Variants in KLHL7 observed in about 807,000 individuals in gnomAD.
KLHL7 encodes the protein kelch-like protein 7.
In KLHL7, 44 loss-of-function variants were observed where a neutral mutation model predicts 67.4. The ratio of observed to expected loss-of-function variants is 0.65; its 90% CI spans 0.51 to 0.84. The LOEUF (loss-of-function observed/expected upper bound fraction) is 0.84. KLHL7 is among the 40% of genes least tolerant of loss of function. The probability of loss-of-function intolerance (pLI) is 0.00; values close to 1 mark genes in which losing one functional copy is unlikely to be tolerated. For missense variants in KLHL7, 362 were observed against 718.1 expected (o/e 0.50, Z 5.67); for synonymous variants, 252 against 243.3 (o/e 1.04, Z -0.33).
At chr7:23,120,847 C>A (rs1445469415) in intron 1 of KLHL7, among the ~76,000 whole-genome samples, 1 of 152,134 alleles carries the variant, frequency 6.6e-6, no homozygotes, top group Non-Finnish European at 1.5e-5. Context: ...ACAGATGTAA[C>A]CCACTGCTCC....
chr7:23,170,551 A>G (rs1160192810), intron 9 of KLHL7, among the ~76,000 whole-genome samples: 48 of 152,204 alleles, frequency 3.2e-4, no homozygotes. Context: ...GTATATTTCA[A>G]AATAGCTAGA....
At chr7:23,171,858 T>C (rs1048965424) in intron 9 of KLHL7, among the ~76,000 whole-genome samples, 2 of 152,114 alleles carry the variant, frequency 1.3e-5, no homozygotes, top group South Asian at 2.1e-4. Flanking sequence ...TACAGGCGCC[T>C]GCCGCCACGC....
Position 23,177,337 on chromosome 7 carries a change from G to C in KLHL7, c.*3039G>C, listed in dbSNP as rs1413180484. 5.3e-5 allele frequency: 8 copies of C among 152,270 alleles called. No individual in the cohort carries two copies. The highest frequency in any genetic ancestry group is 7.4e-5 in the Non-Finnish European group (5 of 68,016). The allele number at this position is 152,270 out of a possible 1,614,324, so 9.4% of individuals were successfully genotyped here. A position where few individuals can be genotyped will look rare whatever the true frequency, so the allele number is the denominator to read the frequency against. On this transcript the variant is annotated 3_prime_UTR_variant, in exon 11 of 11. Transcript: ENST00000339077. Reference sequence around the variant, plus strand: ...CTCCTATGTAGAATATACAGTACCTGTCTAAGATATTTTAAGTACACCAGC... The same window carrying C: ...CTCCTATGTAGAATATACAGTACCTCTCTAAGATATTTTAAGTACACCAGC...
At chr7:23,159,324 TG>T (rs1381059510) in intron 7 of KLHL7, among the ~76,000 whole-genome samples, 1 of 151,984 alleles carries the variant, frequency 6.6e-6, no homozygotes, top group Non-Finnish European at 1.5e-5. Context: ...TCACCACACA[TG>T]GCCATTTAAA....
rs774048435 is a variant in KLHL7, at chr7:23,140,757, TTC to T, written c.443-10_443-9del. On this transcript the variant is annotated splice_polypyrimidine_tract_variant and intron_variant, in intron 4 of 10. Coordinates refer to ENST00000339077, the MANE Select transcript of KLHL7 (RefSeq NM_001031710.3). ...ATGATTTTCTATTCTTTTATTTTCT[TTC>T]TGTGTTTAGGTATAAGTGTGCTAGC... 13 of 1,610,982 alleles carry T rather than the reference TTC, an allele frequency of 8.1e-6. No homozygotes were observed. Among genetic ancestry groups the T allele is most frequent in the Non-Finnish European group, 1.1e-5 (13 of 1,177,814 alleles).
intron 4 of KLHL7, among the ~76,000 whole-genome samples, chr7:23,136,682 A>T (rs758812864): frequency 6.6e-6 from 1 of 152,312 alleles, no homozygotes; most frequent in East Asian, 1.9e-4. Context: ...CTAAAAATTA[A>T]CTATGGAAGG....
chr7:23,166,165 T>G (rs1019649747), intron 8 of KLHL7, among the ~76,000 whole-genome samples: 6 of 152,226 alleles, frequency 3.9e-5, no homozygotes, highest in African/African-American at 1.4e-4. Flanking sequence ...CCCATTTTTT[T>G]TATCATAATG....
chr7:23,168,168 T>G, intron 9 of KLHL7, 131 bp downstream of exon 9: 4 of 815,802 alleles, frequency 4.9e-6, no homozygotes, highest in Non-Finnish European at 8.1e-6. Flanking sequence ...AACTTTTGAG[T>G]GTGCTAGGGT....
intron 6 of KLHL7, 46 bp from the exon 7 acceptor site, chr7:23,152,021 G>T (rs1784551568): frequency 6.2e-7 from 1 of 1,601,864 alleles, no homozygotes; most frequent in African/African-American, 1.3e-5. Context: ...CAAAGCACTG[G>T]TTAGTGCCTG....
intron 4 of KLHL7, chr7:23,129,434 T>G: frequency 2.7e-6 from 1 of 376,486 alleles, no homozygotes; most frequent in Admixed American, 3.2e-5. Flanking sequence ...TCACCTAATA[T>G]AGCTGGTTTT....
intron 6 of KLHL7, 43 bp downstream of exon 6, chr7:23,144,068 A>C (rs774108850): frequency 6.6e-6 from 10 of 1,519,934 alleles, no homozygotes; most frequent in Non-Finnish European, 9.1e-6. Flanking sequence ...TCATGTAGCC[A>C]GTTTCTCATG....
intron 4 of KLHL7, among the ~76,000 whole-genome samples, chr7:23,130,284 G>A (rs1413255644): frequency 1.3e-5 from 2 of 152,114 alleles, no homozygotes; most frequent in Non-Finnish European, 2.9e-5. Context: ...TTTGCATAGA[G>A]ATATTTCTAG....
intron 1 of KLHL7, chr7:23,117,983 T>C (rs370519267): frequency 1.5e-5 from 24 of 1,613,710 alleles, no homozygotes; most frequent in Middle Eastern, 1.6e-4. Flanking sequence ...TTCCTCAGTC[T>C]TCTCTTTGGG....
chr7:23,115,555 T>G (rs934051852), intron 1 of KLHL7, among the ~76,000 whole-genome samples: 6 of 152,044 alleles, frequency 3.9e-5, no homozygotes, highest in Admixed American at 2.6e-4. Flanking sequence ...TTGTTTGTTT[T>G]TTTTTTGAGA....
At chr7:23,129,396 C>T (rs1433599387) in intron 4 of KLHL7, 1 of 387,952 alleles carries the variant, frequency 2.6e-6, no homozygotes, top group South Asian at 2.2e-5. Flanking sequence ...TGTTACGACT[C>T]GGCTGGCCCT....
At chr7:23,168,961 T>A (rs538838576) in intron 9 of KLHL7, among the ~76,000 whole-genome samples, 1 of 152,292 alleles carries the variant, frequency 6.6e-6, no homozygotes, top group South Asian at 2.1e-4. Flanking sequence ...CTGCTTTTTT[T>A]AAAATTAAGA....
chr7:23,155,883 G>T, intron 7 of KLHL7: 1 of 275,290 alleles, frequency 3.6e-6, no homozygotes, highest in Admixed American at 4.9e-5. Context: ...GTTCATTTAG[G>T]AGGCAGGGAG....
intron 4 of KLHL7, among the ~76,000 whole-genome samples, chr7:23,139,613 A>G (rs1450443046): frequency 6.6e-6 from 1 of 152,250 alleles, no homozygotes; most frequent in Non-Finnish European, 1.5e-5. Flanking sequence ...AACAAGCATC[A>G]GCTTTGAGAA....
intron 1 of KLHL7, among the ~76,000 whole-genome samples, chr7:23,108,894 T>C (rs185922405): frequency 2.6e-5 from 4 of 152,388 alleles, no homozygotes; most frequent in East Asian, 1.9e-4. Context: ...TAGTATCCCA[T>C]TGAATGAATA....
Sources: gnomAD v4.1 joint callset for allele counts (sites outside exome capture counted in the v4.1 genomes callset) on GRCh38, gnomAD v4.1.1 for gene constraint, MANE v1.5 for transcripts, NCBI Gene and HGNC (gene_info 2026-07-23, HGNC 2026-07-21) for gene names.